HMCN1: variants seen among roughly 807,000 people sequenced by gnomAD.
The protein encoded by HMCN1 is hemicentin 1.
In HMCN1, 321 loss-of-function variants were observed where a neutral mutation model predicts 625.9. The ratio of observed to expected loss-of-function variants is 0.51; its 90% CI spans 0.47 to 0.56. HMCN1 has a LOEUF of 0.56. Ranked by LOEUF, HMCN1 falls within the 20% of genes least tolerant of loss-of-function variation. HMCN1 has a pLI of 0.00. For missense variants in HMCN1, 6,588 were observed against 6,887.3 expected (o/e 0.96, Z 1.54); for synonymous variants, 2,425 against 2,417.6 (o/e 1.00, Z -0.09).
chr1:186,055,974 T>A (rs897191012), intron 45 of HMCN1, among the ~76,000 whole-genome samples: 1 of 152,026 alleles, frequency 6.6e-6, no homozygotes, highest in Non-Finnish European at 1.5e-5. Flanking sequence ...CTGTTTTTTA[T>A]GTTTTCCAAA....
At chr1:186,080,759 C>A (rs1423541087) in intron 55 of HMCN1, among the ~76,000 whole-genome samples, 1 of 152,128 alleles carries the variant, frequency 6.6e-6, no homozygotes, top group Non-Finnish European at 1.5e-5. Flanking sequence ...AATTCCTTTC[C>A]AAATAAGGCC....
At chr1:185,977,346 T>C (rs919760902) in intron 15 of HMCN1, among the ~76,000 whole-genome samples, 2 of 152,140 alleles carry the variant, frequency 1.3e-5, no homozygotes, top group African/African-American at 4.8e-5. Flanking sequence ...TATAGAATAA[T>C]GAACTCTGGT....
intron 1 of HMCN1, among the ~76,000 whole-genome samples, chr1:185,760,322 G>T (rs1655410973): frequency 6.6e-6 from 1 of 152,142 alleles, no homozygotes. Flanking sequence ...AAGTCTCAAA[G>T]GTAATGCACA....
chr1:186,044,984 G>T (rs1656467734), intron 40 of HMCN1, among the ~76,000 whole-genome samples: 1 of 152,068 alleles, frequency 6.6e-6, no homozygotes, highest in South Asian at 2.1e-4. Flanking sequence ...TATATAGCCA[G>T]GGAATCCTAA....
chr1:185,839,662 T>C (rs755229819), intron 1 of HMCN1, among the ~76,000 whole-genome samples: 1 of 152,186 alleles, frequency 6.6e-6, no homozygotes, highest in Non-Finnish European at 1.5e-5. Flanking sequence ...TCTATATACC[T>C]CAAAGCCCTG....
At chr1:186,171,061 G>T (rs1174680279) in intron 100 of HMCN1, among the ~76,000 whole-genome samples, 1 of 152,176 alleles carries the variant, frequency 6.6e-6, no homozygotes, top group Admixed American at 6.5e-5. Flanking sequence ...ACAGGAGTGA[G>T]AGCCATATGG....
chr1:185,796,580 C>A (rs1658393136), intron 1 of HMCN1, among the ~76,000 whole-genome samples: 1 of 152,030 alleles, frequency 6.6e-6, no homozygotes, highest in Admixed American at 6.5e-5. Context: ...ATCTATGTTG[C>A]CACAAAAGAC....
intron 81 of HMCN1, among the ~76,000 whole-genome samples, 183 bp from the exon 82 acceptor site, chr1:186,125,421 C>A (rs866959764): frequency 4.6e-5 from 7 of 152,100 alleles, no homozygotes; most frequent in African/African-American, 9.7e-5. Flanking sequence ...AGGATTCTTG[C>A]TAGCACCAAA....
chr1:186,000,461 C>G (rs1404772080), intron 26 of HMCN1, among the ~76,000 whole-genome samples: 1 of 151,488 alleles, frequency 6.6e-6, no homozygotes, highest in Non-Finnish European at 1.5e-5. Context: ...GAAAAAGATA[C>G]ATAGTAAAAA....
chr1:185,918,421 G>A (rs564259019), intron 6 of HMCN1, among the ~76,000 whole-genome samples: 5 of 152,244 alleles, frequency 3.3e-5, no homozygotes, highest in South Asian at 2.1e-4. Flanking sequence ...TGTTCTAACC[G>A]TGCTGGCAGC....
At chr1:186,166,034 G>A (rs1393242825) in intron 98 of HMCN1, 150 bp from the exon 99 acceptor site, 1 of 751,898 alleles carries the variant, frequency 1.3e-6, no homozygotes, top group African/African-American at 1.8e-5. Flanking sequence ...TTTTTATTCA[G>A]TGAATTCATT....
At chr1:185,885,968 C>G (rs59367979) in intron 4 of HMCN1, among the ~76,000 whole-genome samples, 1,788 of 152,018 alleles carry the variant, frequency 0.012, 38 homozygotes, top group African/African-American at 0.041. Flanking sequence ...TGTAGACATT[C>G]TATAAGGATT....
At chr1:185,957,534 G>A (rs1472051640) in intron 11 of HMCN1, among the ~76,000 whole-genome samples, 1 of 152,124 alleles carries the variant, frequency 6.6e-6, no homozygotes, top group African/African-American at 2.4e-5. Context: ...TCCACTAGTT[G>A]TTCCCTTATG....
At chr1:186,069,420 A>G (rs1658343202) in intron 50 of HMCN1, among the ~76,000 whole-genome samples, 1 of 152,186 alleles carries the variant, frequency 6.6e-6, no homozygotes, top group South Asian at 2.1e-4. Flanking sequence ...ATACAAAGGC[A>G]TGGCAGGTCT....
At chr1:186,003,931 A>G (rs1192775008) in intron 29 of HMCN1, 87 bp downstream of exon 29, 3 of 1,218,018 alleles carry the variant, frequency 2.5e-6, no homozygotes, top group East Asian at 2.5e-5. Flanking sequence ...CCTCTTAATT[A>G]TTTTATTACA....
chr1:186,021,873 A>C (rs1175562869), intron 35 of HMCN1, among the ~76,000 whole-genome samples: 1 of 152,120 alleles, frequency 6.6e-6, no homozygotes, highest in Non-Finnish European at 1.5e-5. Context: ...GGTTGGAGAC[A>C]CTGGAACATC....
At chr1:186,090,032 A>G (rs564803458) in intron 63 of HMCN1, among the ~76,000 whole-genome samples, 103 of 152,084 alleles carry the variant, frequency 6.8e-4, no homozygotes, top group African/African-American at 2.2e-3. Flanking sequence ...AAGGGATGTT[A>G]CTGAACATGG....
intron 68 of HMCN1, among the ~76,000 whole-genome samples, chr1:186,103,130 C>T (rs998058094): frequency 7.2e-5 from 11 of 151,734 alleles, no homozygotes; most frequent in Middle Eastern, 3.2e-3. Flanking sequence ...TATGCTAAGT[C>T]CCTCTAAAAA....
At chr1:186,075,948 T>C (rs1658785896) in intron 53 of HMCN1, among the ~76,000 whole-genome samples, 1 of 152,188 alleles carries the variant, frequency 6.6e-6, no homozygotes, top group Non-Finnish European at 1.5e-5. Context: ...AAGTTCATAC[T>C]TGTCCCCAGA....
Sources: gnomAD v4.1 joint callset for allele counts (sites outside exome capture counted in the v4.1 genomes callset) on GRCh38, gnomAD v4.1.1 for gene constraint, MANE v1.5 for transcripts, NCBI Gene and HGNC (gene_info 2026-07-23, HGNC 2026-07-21) for gene names.